QNG1: variants seen among roughly 807,000 people sequenced by gnomAD.
The protein encoded by QNG1 is Q-nucleotide N-glycosylase 1.
the QNG1 span, chr9:83,953,839 G>T: frequency 5.8e-6 from 9 of 1,539,808 alleles, no homozygotes; most frequent in Non-Finnish European, 7.9e-6. Context: ...ATTTGTTCAA[G>T]TACACTGTGT....
the QNG1 span, chr9:83,945,021 G>C: frequency 1.3e-6 from 2 of 1,513,846 alleles, no homozygotes; most frequent in Non-Finnish European, 1.8e-6. Context: ...AACGTTATTT[G>C]AGTATCTGAA....
At chr9:83,946,666 T>A in the QNG1 span, among the ~76,000 whole-genome samples, 2 of 152,162 alleles carry the variant, frequency 1.3e-5, no homozygotes, top group Non-Finnish European at 2.9e-5. Flanking sequence ...GCCAGAGGAT[T>A]GTTTGAAGCC....
At chr9:83,941,132 G>A in the QNG1 span, among the ~76,000 whole-genome samples, 2 of 152,186 alleles carry the variant, frequency 1.3e-5, no homozygotes, top group Non-Finnish European at 2.9e-5. Flanking sequence ...CTGTAACCTT[G>A]AGGCAGAGGT....
the QNG1 span, among the ~76,000 whole-genome samples, chr9:83,953,474 A>G: frequency 6.7e-6 from 1 of 149,610 alleles, no homozygotes; most frequent in East Asian, 2.0e-4. Flanking sequence ...CAGCCTCCTG[A>G]GTAGCTGGGA....
At chr9:83,945,280 T>C in the QNG1 span, among the ~76,000 whole-genome samples, 10 of 151,600 alleles carry the variant, frequency 6.6e-5, no homozygotes, top group African/African-American at 2.4e-4. Flanking sequence ...CACACATCTA[T>C]GGTCCCAGAT....
chr9:83,950,601 T>C, the QNG1 span, among the ~76,000 whole-genome samples: 6 of 149,274 alleles, frequency 4.0e-5, no homozygotes, highest in East Asian at 5.8e-4. Flanking sequence ...CTTTTCTTTT[T>C]TTTTTTTTTT....
the QNG1 span, chr9:83,955,481 G>C: frequency 1.9e-6 from 3 of 1,614,134 alleles, no homozygotes; most frequent in African/African-American, 2.7e-5. Context: ...GTTGAGAAAA[G>C]AGCCTCCAAA....
the QNG1 span, among the ~76,000 whole-genome samples, chr9:83,942,679 G>C: frequency 1.3e-5 from 2 of 152,164 alleles, no homozygotes; most frequent in Non-Finnish European, 2.9e-5. Context: ...TTTTGGTCTA[G>C]TTTTGCAGTA....
At chr9:83,942,459 G>C in the QNG1 span, among the ~76,000 whole-genome samples, 1 of 152,106 alleles carries the variant, frequency 6.6e-6, no homozygotes, top group South Asian at 2.1e-4. Context: ...GCACTTCCAA[G>C]GGTTGTCCCT....
the QNG1 span, among the ~76,000 whole-genome samples, chr9:83,948,724 G>C: frequency 6.6e-6 from 1 of 152,226 alleles, no homozygotes; most frequent in Non-Finnish European, 1.5e-5. Context: ...GTAGACATAG[G>C]AGACTCCATT....
At chr9:83,948,436 G>GC in the QNG1 span, among the ~76,000 whole-genome samples, 15 of 141,476 alleles carry the variant, frequency 1.1e-4, no homozygotes, top group Middle Eastern at 3.6e-3. Context: ...GTGGGGGGCA[G>GC]CCCCCCCGCC....
the QNG1 span, chr9:83,938,537 A>G: frequency 6.6e-6 from 1 of 152,180 alleles, no homozygotes; most frequent in Non-Finnish European, 1.5e-5. Flanking sequence ...TGAAAATTAC[A>G]CACCTCAAGA....
the QNG1 span, among the ~76,000 whole-genome samples, chr9:83,948,448 G>C: frequency 2.1e-5 from 3 of 141,878 alleles, no homozygotes; most frequent in Non-Finnish European, 4.7e-5. Context: ...CCCCCCGCCC[G>C]GCCAGCCGCC....
chr9:83,956,024 G>T, the QNG1 span: 1 of 737,516 alleles, frequency 1.4e-6, no homozygotes, highest in Admixed American at 2.7e-5. Flanking sequence ...TCTATTTTAA[G>T]CATAAGGACT....
the QNG1 span, among the ~76,000 whole-genome samples, chr9:83,948,355 G>C: frequency 3.5e-4 from 46 of 130,640 alleles, 1 homozygote; most frequent in African/African-American, 1.2e-3. Flanking sequence ...GTCTCCGCCC[G>C]GCAGCCGCCC....
At chr9:83,956,596 G>C in the QNG1 span, 1 of 1,059,504 alleles carries the variant, frequency 9.4e-7, no homozygotes, top group Non-Finnish European at 1.3e-6. Flanking sequence ...CGCGATCACA[G>C]GGCCTAAACA....
chr9:83,953,746 C>G, the QNG1 span: 1 of 1,492,152 alleles, frequency 6.7e-7, no homozygotes, highest in Non-Finnish European at 9.1e-7. Flanking sequence ...CAACCTCCCC[C>G]TCCCAGGTTC....
At chr9:83,945,688 G>T in the QNG1 span, among the ~76,000 whole-genome samples, 1 of 151,918 alleles carries the variant, frequency 6.6e-6, no homozygotes, top group African/African-American at 2.4e-5. Flanking sequence ...TGCAAGCTCC[G>T]CCTCCTGGGT....
chr9:83,943,593 C>T, the QNG1 span, among the ~76,000 whole-genome samples: 1 of 152,096 alleles, frequency 6.6e-6, no homozygotes, highest in Non-Finnish European at 1.5e-5. Context: ...AACAGATTGC[C>T]CATGGCAGCA....
Sources: gnomAD v4.1 joint callset for allele counts (sites outside exome capture counted in the v4.1 genomes callset) on GRCh38, gnomAD v4.1.1 for gene constraint, MANE v1.5 for transcripts, NCBI Gene and HGNC (gene_info 2026-07-23, HGNC 2026-07-21) for gene names.